The following VPS13D variants were observed in gnomAD, a reference collection of about 807,000 sequenced individuals.
VPS13D encodes vacuolar protein sorting 13 homolog D.
A neutral mutation model predicts 461.9 loss-of-function variants in VPS13D; 187 were observed. That is an observed-to-expected ratio of 0.40 (90% CI 0.36 to 0.46). The LOEUF is 0.46. VPS13D is among the 20% of genes least tolerant of loss of function. The probability of loss-of-function intolerance (pLI) is 0.60; values close to 1 mark genes in which losing one functional copy is unlikely to be tolerated. For synonymous variants in VPS13D, 1,951 were observed against 1,986.3 expected (o/e 0.98, Z 0.47); for missense variants, 4,711 against 5,364.9 (o/e 0.88, Z 3.81).
intron 47 of VPS13D, among the ~76,000 whole-genome samples, chr1:12,355,064 A>G (rs780778484): frequency 6.6e-5 from 10 of 152,266 alleles, no homozygotes; most frequent in Non-Finnish European, 1.2e-4. Context: ...GGTGAAGTAC[A>G]GAATCAGCTG....
Position 12,343,014 on chromosome 1 carries a change from C to G in VPS13D, c.8848C>G (p.Pro2950Ala), listed in dbSNP as rs1643604521. The G allele has an allele frequency of 1.2e-6, 2 of 1,612,782 alleles. No individual in the cohort carries two copies. Among genetic ancestry groups the G allele is most frequent in the East Asian group, 4.5e-5 (2 of 44,876 alleles). The change falls in exon 42 of 70, where the codon CCC (proline) becomes GCC (alanine). Residue 2950 changes from proline to alanine, a missense_variant. This residue lies in a region of VPS13D where 4,411 missense variants were observed against 4,937.8 expected (regional missense o/e 0.89). Coordinates refer to ENST00000620676, the MANE Select transcript of VPS13D (RefSeq NM_015378.4). ...AGAAGTCCTTACAGGTGAAGAGATT[C>G]CCTTTGAATTTGAAGCAAGAGGAAA... ...WREVLTGEEI[P>A]FEFEARGKLR...
At position 12,509,228 on chromosome 1, in the gene VPS13D, G is replaced by A; in HGVS notation, c.*204G>A. On this transcript the variant is annotated 3_prime_UTR_variant, in exon 70 of 70. Coordinates refer to ENST00000620676, the MANE Select transcript of VPS13D (RefSeq NM_015378.4). ...AGGCAGGGAGTTATTTTAGATTATG[G>A]GAAATAATTTTTAAAGGTATTGGTT... 1 of 588,408 alleles carries A rather than the reference G, an allele frequency of 1.7e-6. No individual in the cohort carries two copies. 36.4% of individuals were successfully genotyped at this position (588,408 alleles called of 1,614,324 possible). A position where few individuals can be genotyped will look rare whatever the true frequency, so the allele number is the denominator to read the frequency against.
intron 50 of VPS13D, among the ~76,000 whole-genome samples, chr1:12,360,708 A>G (rs1643934875): frequency 6.6e-6 from 1 of 152,214 alleles, no homozygotes; most frequent in African/African-American, 2.4e-5. Context: ...AGCATTTCTT[A>G]GATACAGAGT....
intron 33 of VPS13D, among the ~76,000 whole-genome samples, 185 bp downstream of exon 33, chr1:12,322,149 T>A (rs1004805280): frequency 5.3e-5 from 8 of 152,132 alleles, no homozygotes; most frequent in Admixed American, 6.6e-5. Context: ...CACTGCAAGC[T>A]CCACCTCCTG....
At chr1:12,254,853 G>T (rs1569694447) in intron 7 of VPS13D, among the ~76,000 whole-genome samples, 1 of 151,718 alleles carries the variant, frequency 6.6e-6, no homozygotes, top group South Asian at 2.1e-4. Context: ...TAAATAATTT[G>T]TAGGTGGTTT....
At chr1:12,469,173 G>C (rs74439647) in intron 67 of VPS13D, among the ~76,000 whole-genome samples, 3,355 of 152,238 alleles carry the variant, frequency 0.022, 64 homozygotes, top group African/African-American at 0.039. Context: ...GAGAGAATTT[G>C]TACATATGGG....
At chr1:12,419,783 C>T (rs1370889306) in intron 65 of VPS13D, among the ~76,000 whole-genome samples, 4 of 152,178 alleles carry the variant, frequency 2.6e-5, no homozygotes, top group Non-Finnish European at 5.9e-5. Flanking sequence ...TACTATATCA[C>T]ATTGCTTAAC....
intron 22 of VPS13D, among the ~76,000 whole-genome samples, chr1:12,289,339 T>A (rs1019417241): frequency 1.3e-5 from 2 of 152,156 alleles, no homozygotes; most frequent in African/African-American, 4.8e-5. Flanking sequence ...CACTTTGGCC[T>A]CCCAAAGTGC....
intron 65 of VPS13D, among the ~76,000 whole-genome samples, chr1:12,438,236 T>A (rs988119636): frequency 1.3e-5 from 2 of 152,074 alleles, no homozygotes; most frequent in Non-Finnish European, 2.9e-5. Context: ...TGTCAAGAGG[T>A]CATTGGGGGT....
chr1:12,254,845 A>C (rs1640863231), intron 7 of VPS13D, among the ~76,000 whole-genome samples: 1 of 151,506 alleles, frequency 6.6e-6, no homozygotes, highest in Non-Finnish European at 1.5e-5. Flanking sequence ...TCCTTCTGTA[A>C]ATAATTTGTA....
chr1:12,373,733 TA>T lies in VPS13D; in HGVS notation c.10809-16del. The T allele has an allele frequency of 7.1e-7, 1 of 1,404,744 alleles. No individual in the cohort carries two copies. Among genetic ancestry groups the T allele is most frequent in the Non-Finnish European group, 9.3e-7 (1 of 1,075,972 alleles). 87.0% of individuals were successfully genotyped at this position (1,404,744 alleles called of 1,614,324 possible). On this transcript the variant is annotated splice_polypyrimidine_tract_variant and intron_variant, in intron 54 of 69. Transcript: ENST00000620676. The stretch of plus-strand genomic sequence containing the variant: ...TATATATATTTTTATGTAATATATA[TA>T]TTTTTTAAATTCTAGCTTGCAGGAG...
rs1239867595 is a variant in VPS13D at position 12,349,258 on chromosome 1, G to A, written c.9315G>A (p.Leu3105=). ...GGCTACAGGCCCGGCCCAAAGGATT[G>A]GGTGTATTTTTCTGTAAGGCTCCCA... The part of the protein sequence containing the change: ...SWRLQARPKG[L]GVFFCKAPIH... The change falls in exon 46 of 70, where the codon TTG becomes TTA. Residue 3105 remains leucine (L), a synonymous_variant. Transcript: ENST00000620676. 1 of 1,614,140 alleles carries A rather than the reference G, an allele frequency of 6.2e-7. No individual in the cohort carries two copies. The highest frequency in any genetic ancestry group is 8.5e-7 in the Non-Finnish European group (1 of 1,180,042).
At chr1:12,421,227 T>C (rs1644859469) in intron 65 of VPS13D, among the ~76,000 whole-genome samples, 1 of 152,238 alleles carries the variant, frequency 6.6e-6, no homozygotes, top group African/African-American at 2.4e-5. Flanking sequence ...ATGACTCCCC[T>C]GCCTGGGTCT....
rs1646076690 is a variant in VPS13D at position 12,504,390 on chromosome 1, A to T, written c.12795-2463A>T. Among the ~76,000 whole-genome samples the T allele has an allele frequency of 9.9e-5, 15 of 152,274 alleles. No individual in the cohort carries two copies. In the South Asian group the frequency reaches 3.1e-3, roughly 32 times the overall value. On this transcript the variant is annotated intron_variant, in intron 68 of 69. Coordinates refer to ENST00000620676, the MANE Select transcript of VPS13D (RefSeq NM_015378.4). ...AAGGACTTTAGAACATTTCATGCACAATTTCCAGAAATATGTTATTATCAG... is the reference window on the plus strand; with the variant it reads ...AAGGACTTTAGAACATTTCATGCACTATTTCCAGAAATATGTTATTATCAG...
intron 19 of VPS13D, 86 bp downstream of exon 19, chr1:12,278,124 A>T: frequency 7.3e-7 from 1 of 1,368,102 alleles, no homozygotes; most frequent in Non-Finnish European, 9.9e-7. Flanking sequence ...AGCAACAATA[A>T]AATCCTTTTC....
rs74651734 is a variant in VPS13D at position 12,482,571 on chromosome 1, T to C, written c.12663-14929T>C. 4.4e-3 allele frequency among the ~76,000 whole-genome samples: 667 copies of C among 152,286 alleles called. 3 individuals are homozygous for C. The highest frequency in any genetic ancestry group is 0.015 in the African/African-American group (633 of 41,552). On this transcript the variant is annotated intron_variant, in intron 67 of 69. Coordinates refer to ENST00000620676, the MANE Select transcript of VPS13D (RefSeq NM_015378.4). ...TGTATGGACACTGCTCCAGAGGCCTTGCATGAATTATCTCTTTAATCCTTA... is the reference window on the plus strand; with the variant it reads ...TGTATGGACACTGCTCCAGAGGCCTCGCATGAATTATCTCTTTAATCCTTA...
chr1:12,451,884 A>G (rs1323055590), intron 65 of VPS13D, among the ~76,000 whole-genome samples: 1 of 152,258 alleles, frequency 6.6e-6, no homozygotes, highest in Non-Finnish European at 1.5e-5. Context: ...TCTCATATGT[A>G]TCAGGCTCTG....
intron 47 of VPS13D, among the ~76,000 whole-genome samples, chr1:12,355,359 A>G (rs1438127457): frequency 1.3e-5 from 2 of 152,220 alleles, no homozygotes; most frequent in Admixed American, 1.3e-4. Flanking sequence ...AACACTTGAA[A>G]CAAAGAGGAA....
intron 65 of VPS13D, among the ~76,000 whole-genome samples, chr1:12,433,280 A>C (rs1645016864): frequency 6.6e-6 from 1 of 151,610 alleles, no homozygotes; most frequent in Non-Finnish European, 1.5e-5. Flanking sequence ...ACAAAAAAAC[A>C]AAAAAACAAC....
Sources: allele counts gnomAD v4.1 joint callset (sites outside exome capture counted in the v4.1 genomes callset), GRCh38; gene constraint gnomAD v4.1.1; regional missense constraint gnomAD v4.1.1; transcripts MANE v1.5; gene names NCBI Gene and HGNC (gene_info 2026-07-23, HGNC 2026-07-21).